ROBO2: variants seen among roughly 807,000 people sequenced by gnomAD.
The protein encoded by ROBO2 is roundabout guidance receptor 2.
Under a neutral mutation model 160.8 loss-of-function variants are expected in ROBO2, and 53 were observed. That is an observed-to-expected ratio of 0.33 (90% CI 0.26 to 0.41). The LOEUF (loss-of-function observed/expected upper bound fraction) is 0.41. ROBO2 is among the 10% of genes least tolerant of loss of function. The pLI, the probability that ROBO2 is intolerant of heterozygous loss-of-function variation, is 1.00. For missense variants in ROBO2, 1,577 were observed against 1,722.4 expected (o/e 0.92, Z 1.49); for synonymous variants, 664 against 611.7 (o/e 1.09, Z -1.26).
chr3:77,429,042 T>C (rs1363495730), intron 2 of ROBO2, among the ~76,000 whole-genome samples: 1 of 152,212 alleles, frequency 6.6e-6, no homozygotes, highest in East Asian at 1.9e-4. Flanking sequence ...AAACAATTAC[T>C]GTATATACAC....
chr3:76,514,627 C>A (rs771964868), intron 2 of ROBO2, among the ~76,000 whole-genome samples: 1 of 152,070 alleles, frequency 6.6e-6, no homozygotes, highest in African/African-American at 2.4e-5. Flanking sequence ...GTTGTTGAGG[C>A]CTTTGGAGTT....
rs532507313 is a variant in ROBO2, at chr3:77,571,096, C to T, written c.1971+2662C>T. On this transcript the variant is annotated intron_variant, in intron 13 of 25. Transcript: ENST00000461745. ...CTTTACTTTTTGTCTTTGTTTTGTT[C>T]AAGGACAAAAAGAATTACATACTCT... Among the ~76,000 whole-genome samples, 66 of 152,012 alleles carry T rather than the reference C, an allele frequency of 4.3e-4. 3 individuals are homozygous for T. The South Asian group carries it at 0.014, about 32-fold the overall frequency.
At chr3:76,995,131 G>GGGC (rs2060919997) in intron 2 of ROBO2, among the ~76,000 whole-genome samples, 1 of 133,388 alleles carries the variant, frequency 7.5e-6, no homozygotes, top group South Asian at 2.4e-4. Flanking sequence ...CCCAGTGTGT[G>GGGC]ATGTCCCCCT....
chr3:77,533,514 G>A (rs990546554), intron 6 of ROBO2, among the ~76,000 whole-genome samples: 1 of 152,256 alleles, frequency 6.6e-6, no homozygotes, highest in East Asian at 1.9e-4. Context: ...GTGTTTTTCG[G>A]AATCTGGTTC....
intron 2 of ROBO2, among the ~76,000 whole-genome samples, chr3:76,478,523 A>G (rs1489712398): frequency 1.3e-5 from 2 of 151,996 alleles, no homozygotes; most frequent in Admixed American, 6.6e-5. Context: ...ACCTTACACA[A>G]AAATTAATTC....
chr3:77,546,388 C>G (rs539954814), exon 7 of ROBO2: 10 of 1,613,202 alleles, frequency 6.2e-6, no homozygotes, highest in East Asian at 2.2e-5. Flanking sequence ...TGCTCAAGGT[C>G]GAACAGTGAC....
chr3:76,001,154 G>A (rs1019033864), intron 2 of ROBO2, among the ~76,000 whole-genome samples: 2 of 152,118 alleles, frequency 1.3e-5, no homozygotes, highest in Admixed American at 6.5e-5. Flanking sequence ...AAGTACATTA[G>A]CACTAACGAA....
At chr3:77,295,881 A>G (rs919011343) in intron 2 of ROBO2, among the ~76,000 whole-genome samples, 13 of 147,856 alleles carry the variant, frequency 8.8e-5, no homozygotes, top group Admixed American at 2.7e-4. Context: ...GACACAAAGT[A>G]AAATTGACGG....
chr3:77,431,596 A>C (rs2078778374), intron 2 of ROBO2, among the ~76,000 whole-genome samples: 2 of 152,284 alleles, frequency 1.3e-5, no homozygotes, highest in South Asian at 4.1e-4. Flanking sequence ...CTCCCAAAGC[A>C]GAATCTGTCT....
chr3:76,645,869 C>T (rs1354859928), intron 2 of ROBO2, among the ~76,000 whole-genome samples: 1 of 152,130 alleles, frequency 6.6e-6, no homozygotes, highest in Non-Finnish European at 1.5e-5. Flanking sequence ...TTCCTTCCTG[C>T]ATTTATTCAC....
intron 2 of ROBO2, among the ~76,000 whole-genome samples, chr3:76,272,937 A>AATATATATATTT (rs1707630818): frequency 4.3e-5 from 1 of 23,324 alleles, no homozygotes; most frequent in Non-Finnish European, 1.4e-4. Context: ...TTTATATATA[A>AATATATATATTT]ATATATAAAA....
At chr3:76,403,324 T>A (rs1382660269) in intron 2 of ROBO2, among the ~76,000 whole-genome samples, 3 of 151,640 alleles carry the variant, frequency 2.0e-5, no homozygotes, top group Non-Finnish European at 4.4e-5. Flanking sequence ...AAAATCAGTA[T>A]TTTACAGATA....
chr3:77,324,786 AG>A (rs68049897), intron 2 of ROBO2, among the ~76,000 whole-genome samples: 7,823 of 128,636 alleles, frequency 0.061, 298 homozygotes, highest in East Asian at 0.1. Context: ...CGTCTCAAAA[AG>A]AAAAAAAAAA....
chr3:77,412,614 G>A (rs974802124), intron 2 of ROBO2, among the ~76,000 whole-genome samples: 1 of 152,144 alleles, frequency 6.6e-6, no homozygotes, highest in Non-Finnish European at 1.5e-5. Flanking sequence ...AACACCCAAG[G>A]CTTGGGCAAT....
At chr3:76,897,831 A>G (rs1177826032) in intron 2 of ROBO2, among the ~76,000 whole-genome samples, 1 of 152,032 alleles carries the variant, frequency 6.6e-6, no homozygotes, top group Non-Finnish European at 1.5e-5. Flanking sequence ...TCCAATGGCT[A>G]TATCCGATAT....
At chr3:77,442,136 C>A (rs1486035890) in intron 2 of ROBO2, among the ~76,000 whole-genome samples, 1 of 151,982 alleles carries the variant, frequency 6.6e-6, no homozygotes, top group Non-Finnish European at 1.5e-5. Context: ...CACGGTGAAG[C>A]CCCATCTCTA....
At chr3:76,067,732 T>C (rs142257243) in intron 2 of ROBO2, among the ~76,000 whole-genome samples, 379 of 152,308 alleles carry the variant, frequency 2.5e-3, no homozygotes, top group Non-Finnish European at 3.1e-3. Flanking sequence ...AGAAATCTCA[T>C]TGAAAACTAC....
intron 2 of ROBO2, among the ~76,000 whole-genome samples, chr3:76,456,938 G>T (rs1205192101): frequency 6.6e-6 from 1 of 152,074 alleles, no homozygotes; most frequent in Non-Finnish European, 1.5e-5. Flanking sequence ...AAAATAGCAG[G>T]GGGAAGACTG....
intron 2 of ROBO2, among the ~76,000 whole-genome samples, chr3:75,992,664 C>G (rs879345069): frequency 2.0e-5 from 3 of 152,102 alleles, no homozygotes; most frequent in Non-Finnish European, 4.4e-5. Flanking sequence ...CACTGTCCTC[C>G]AGAACTCAGA....
Sources: allele counts gnomAD v4.1 joint callset (sites outside exome capture counted in the v4.1 genomes callset), GRCh38; gene constraint gnomAD v4.1.1; transcripts MANE v1.5; gene names NCBI Gene and HGNC (gene_info 2026-07-23, HGNC 2026-07-21).